The following IGF1 variants were observed in gnomAD, a reference collection of about 807,000 sequenced individuals.
IGF1 encodes insulin like growth factor 1.
IGF1 carries 4 observed loss-of-function variants against 13.8 expected under a neutral mutation model. The ratio of observed to expected loss-of-function variants is 0.29; its 90% CI spans 0.14 to 0.66. The LOEUF (loss-of-function observed/expected upper bound fraction) is 0.66. Among genes scored for constraint, IGF1 ranks in the 30% least tolerant of loss-of-function variants. The probability of loss-of-function intolerance (pLI) is 0.78; values close to 1 mark genes in which losing one functional copy is unlikely to be tolerated. For missense variants in IGF1, 124 were observed against 188.5 expected, an observed-to-expected ratio of 0.66 and a Z score of 2.00; for synonymous variants, 76 against 72.6, an observed-to-expected ratio of 1.05 and a Z score of -0.23.
intron 3 of IGF1, among the ~76,000 whole-genome samples, chr12:102,417,020 A>G (rs1187796228): frequency 6.6e-6 from 1 of 152,186 alleles, no homozygotes; most frequent in Non-Finnish European, 1.5e-5. Context: ...GGCCACCTAC[A>G]AGCCGAGGGG....
upstream of IGF1, among the ~76,000 whole-genome samples, chr12:102,480,808 T>C (rs1008649498): frequency 6.6e-6 from 1 of 152,224 alleles, no homozygotes; most frequent in Non-Finnish European, 1.5e-5. Context: ...AAAATACTTA[T>C]GCTGCCATAG....
chr12:102,412,974 CT>C (rs1446211859), intron 3 of IGF1, among the ~76,000 whole-genome samples: 1 of 152,182 alleles, frequency 6.6e-6, no homozygotes, highest in South Asian at 2.1e-4. Flanking sequence ...CCAGTTAGGC[CT>C]TTAGGGATGA....
At chr12:102,406,111 C>T (rs1450801587) in intron 3 of IGF1, among the ~76,000 whole-genome samples, 1 of 152,220 alleles carries the variant, frequency 6.6e-6, no homozygotes, top group African/African-American at 2.4e-5. Flanking sequence ...ACGGTGGAGG[C>T]CATTCAAACC....
chr12:102,455,910 C>G (rs191568205), intron 2 of IGF1, among the ~76,000 whole-genome samples: 23 of 152,238 alleles, frequency 1.5e-4, no homozygotes, highest in Middle Eastern at 3.4e-3. Context: ...AGTTGGGATC[C>G]CATTGGATAT....
chr12:102,443,829 T>C (rs1163304820), intron 2 of IGF1, among the ~76,000 whole-genome samples: 1 of 152,018 alleles, frequency 6.6e-6, no homozygotes, highest in Non-Finnish European at 1.5e-5. Flanking sequence ...TATTTATTTA[T>C]TTATTTATTT....
At chr12:102,457,434 G>C in intron 2 of IGF1, among the ~76,000 whole-genome samples, 1 of 152,070 alleles carries the variant, frequency 6.6e-6, no homozygotes, top group East Asian at 1.9e-4. Context: ...GACTGGCCTG[G>C]CAGCTCTACA....
At chr12:102,422,745 C>T (rs541109474) in intron 2 of IGF1, among the ~76,000 whole-genome samples, 22 of 152,150 alleles carry the variant, frequency 1.4e-4, no homozygotes, top group East Asian at 3.9e-4. Context: ...ATTGTCATTT[C>T]GACTAATTTT....
At chr12:102,452,557 A>G (rs918738190) in intron 2 of IGF1, among the ~76,000 whole-genome samples, 10 of 152,278 alleles carry the variant, frequency 6.6e-5, no homozygotes, top group Admixed American at 4.6e-4. Context: ...AATCTGTGTT[A>G]GGGGGGTCTT....
chr12:102,442,840 A>G (rs1239265932), intron 2 of IGF1, among the ~76,000 whole-genome samples: 1 of 152,146 alleles, frequency 6.6e-6, no homozygotes. Context: ...TTATATGCAG[A>G]AAGAATGGTA....
intron 1 of IGF1, chr12:102,478,531 G>C: frequency 2.5e-6 from 4 of 1,610,758 alleles, no homozygotes; most frequent in East Asian, 2.2e-5. Flanking sequence ...TTTACAGCAG[G>C]TCAGGGTGGG....
At chr12:102,461,955 C>G (rs1403547542) in intron 2 of IGF1, among the ~76,000 whole-genome samples, 1 of 152,156 alleles carries the variant, frequency 6.6e-6, no homozygotes, top group Non-Finnish European at 1.5e-5. Flanking sequence ...TTACTTCCTG[C>G]CATTCTCTAG....
At chr12:102,463,169 GC>G (rs757670011) in intron 2 of IGF1, 2 of 152,090 alleles carry the variant, frequency 1.3e-5, no homozygotes, top group Non-Finnish European at 2.9e-5. Flanking sequence ...TCAATTGCTC[GC>G]TCCCAAATTA....
intron 3 of IGF1, among the ~76,000 whole-genome samples, chr12:102,403,602 G>A (rs990409546): frequency 1.5e-4 from 23 of 149,146 alleles, no homozygotes; most frequent in African/African-American, 2.7e-4. Flanking sequence ...GACCACAGGC[G>A]CATGCCACCA....
rs377186160 is a variant in IGF1 at position 102,419,728 on chromosome 12, C to T, written c.221-38G>A. The T allele has an allele frequency of 1.1e-4, 179 of 1,602,106 alleles. 1 individual carries two copies. Among genetic ancestry groups the T allele is most frequent in the Middle Eastern group, 3.3e-4 (2 of 6,056 alleles). On this transcript the variant is annotated intron_variant, in intron 2 of 3. Transcript: ENST00000337514. ...AACAGAGTGGCCTCATGTTAGGGTG[C>T]AATCTGCTTTCTTCAGTCTTCCACC...
intron 2 of IGF1, among the ~76,000 whole-genome samples, chr12:102,454,679 G>A (rs1879241468): frequency 6.6e-6 from 1 of 152,210 alleles, no homozygotes; most frequent in African/African-American, 2.4e-5. Flanking sequence ...CATAGATTGA[G>A]CCAGTAGAGT....
intron 2 of IGF1, among the ~76,000 whole-genome samples, chr12:102,474,309 C>T (rs1022777357): frequency 7.9e-5 from 12 of 152,150 alleles, no homozygotes; most frequent in African/African-American, 1.2e-4. Flanking sequence ...TAAATGAGTT[C>T]GTTCAATTAA....
intron 2 of IGF1, among the ~76,000 whole-genome samples, chr12:102,469,568 A>G (rs1880562349): frequency 6.6e-6 from 1 of 152,144 alleles, no homozygotes; most frequent in African/African-American, 2.4e-5. Context: ...ATTTTTCCAG[A>G]AGCTAAAATA....
chr12:102,421,607 T>C (rs1011126197), intron 2 of IGF1, among the ~76,000 whole-genome samples: 2 of 152,220 alleles, frequency 1.3e-5, no homozygotes, highest in African/African-American at 2.4e-5. Flanking sequence ...TTGTTGAAAC[T>C]ATAAATTTCC....
chr12:102,474,877 TCTA>T (rs1477561749), intron 2 of IGF1, among the ~76,000 whole-genome samples: 2 of 152,236 alleles, frequency 1.3e-5, no homozygotes, highest in Non-Finnish European at 2.9e-5. Context: ...GACTTGGCTG[TCTA>T]CTTTTTACTG....
Sources: allele counts gnomAD v4.1 joint callset (sites outside exome capture counted in the v4.1 genomes callset), GRCh38; gene constraint gnomAD v4.1.1; transcripts MANE v1.5; gene names NCBI Gene and HGNC (gene_info 2026-07-23, HGNC 2026-07-21).